The following LYPD6 variants were observed in gnomAD, a reference collection of about 807,000 sequenced individuals.
LYPD6 encodes LY6/PLAUR domain containing 6, also known as ly6/PLAUR domain-containing protein 6.
A neutral mutation model predicts 22.7 loss-of-function variants in LYPD6; 15 were observed. The ratio of observed to expected loss-of-function variants is 0.66; its 90% CI spans 0.44 to 1.02. LYPD6 has a LOEUF of 1.02. Among genes scored for constraint, LYPD6 ranks in the 50% least tolerant of loss-of-function variants. The pLI, the probability that LYPD6 is intolerant of heterozygous loss-of-function variation, is 0.00. For synonymous variants in LYPD6, 72 were observed against 77.5 expected, an observed-to-expected ratio of 0.93 and a Z score of 0.37; for missense variants, 189 against 208.4, an observed-to-expected ratio of 0.91 and a Z score of 0.57.
At chr2:149,355,293 A>G (rs752616097) in intron 1 of LYPD6, among the ~76,000 whole-genome samples, 11 of 152,226 alleles carry the variant, frequency 7.2e-5, no homozygotes, top group Admixed American at 4.6e-4. Context: ...GCTAAAATGC[A>G]TAGTTTACAC....
intron 3 of LYPD6, among the ~76,000 whole-genome samples, chr2:149,458,449 A>G (rs1681015785): frequency 6.6e-6 from 1 of 152,196 alleles, no homozygotes; most frequent in Non-Finnish European, 1.5e-5. Context: ...CTACATGGGA[A>G]GCATTAATGA....
chr2:149,333,929 A>G (rs1680985043), intron 1 of LYPD6, among the ~76,000 whole-genome samples: 1 of 152,224 alleles, frequency 6.6e-6, no homozygotes, highest in African/African-American at 2.4e-5. Context: ...GAGTATAATC[A>G]GTCTCTAAAA....
rs994204963 is a variant in LYPD6 at position 149,421,020 on chromosome 2, TGAG to T, written c.-71-16614_-71-16612del. Among the ~76,000 whole-genome samples the T allele has an allele frequency of 3.3e-5, 5 of 152,308 alleles. No homozygotes were observed. The East Asian group carries it at 9.6e-4, about 29-fold the overall frequency. ...AAATGGTAATGGGTGAGAGCCATCA[TGAG>T]GAGTTTTTCAGGATCCCCAGGGGAT... On this transcript the variant is annotated intron_variant, in intron 1 of 4. Coordinates refer to ENST00000334166, the MANE Select transcript of LYPD6 (RefSeq NM_194317.5).
chr2:149,478,552 T>C (rs1681478755), downstream of LYPD6, among the ~76,000 whole-genome samples: 1 of 152,032 alleles, frequency 6.6e-6, no homozygotes, highest in East Asian at 1.9e-4. Flanking sequence ...GCCTCCTAAG[T>C]AGCTAGGACT....
At chr2:149,416,457 A>G (rs934942096) in intron 1 of LYPD6, among the ~76,000 whole-genome samples, 4 of 152,162 alleles carry the variant, frequency 2.6e-5, no homozygotes, top group Non-Finnish European at 5.9e-5. Flanking sequence ...TTACCTGGGT[A>G]AAAACAGCCC....
At chr2:149,448,010 T>G (rs908667444) in intron 2 of LYPD6, among the ~76,000 whole-genome samples, 2 of 152,066 alleles carry the variant, frequency 1.3e-5, no homozygotes, top group African/African-American at 4.8e-5. Flanking sequence ...AACTATAGCA[T>G]AGGCCGGGTG....
chr2:149,464,392 G>T (rs533029231), intron 3 of LYPD6: 1 of 240,776 alleles, frequency 4.2e-6, no homozygotes, highest in Admixed American at 5.4e-5. Flanking sequence ...TTTTCATCGT[G>T]CATGGTCAAA....
chr2:149,346,259 T>TA (rs34614093), intron 1 of LYPD6, among the ~76,000 whole-genome samples: 1 of 152,034 alleles, frequency 6.6e-6, no homozygotes, highest in Non-Finnish European at 1.5e-5. Context: ...TTTTTCTATT[T>TA]AAAAAAATGC....
chr2:149,368,901 G>A (rs1260545164), intron 1 of LYPD6, among the ~76,000 whole-genome samples: 1 of 152,124 alleles, frequency 6.6e-6, no homozygotes, highest in Admixed American at 6.5e-5. Context: ...CTGGGTAGAT[G>A]GTGGGGTGAC....
At chr2:149,479,150 G>T in the LYPD6 span, among the ~76,000 whole-genome samples, 5 of 152,070 alleles carry the variant, frequency 3.3e-5, no homozygotes, top group Non-Finnish European at 5.9e-5. Flanking sequence ...TAACTTCTCA[G>T]CTTCGTTCAA....
the LYPD6 span, among the ~76,000 whole-genome samples, chr2:149,481,939 G>A: frequency 6.6e-6 from 1 of 152,132 alleles, no homozygotes; most frequent in Admixed American, 6.6e-5. Context: ...TTCCTCAGAA[G>A]TGTTGCTTTT....
intron 1 of LYPD6, among the ~76,000 whole-genome samples, chr2:149,369,386 C>T (rs1681754790): frequency 6.6e-6 from 1 of 152,160 alleles, no homozygotes; most frequent in African/African-American, 2.4e-5. Flanking sequence ...CCATCTTCCT[C>T]CATTGCTCTG....
At chr2:149,358,801 A>T (rs1681516353) in intron 1 of LYPD6, among the ~76,000 whole-genome samples, 1 of 152,128 alleles carries the variant, frequency 6.6e-6, no homozygotes, top group African/African-American at 2.4e-5. Flanking sequence ...TTGGGGAAGT[A>T]CCAGAATCTT....
chr2:149,372,275 G>T (rs548538947), intron 1 of LYPD6, among the ~76,000 whole-genome samples: 1 of 152,130 alleles, frequency 6.6e-6, no homozygotes, highest in Non-Finnish European at 1.5e-5. Flanking sequence ...CCTTACGCCT[G>T]ATAAAGTCCC....
At chr2:149,378,412 T>A (rs1457876422) in intron 1 of LYPD6, among the ~76,000 whole-genome samples, 1 of 152,232 alleles carries the variant, frequency 6.6e-6, no homozygotes, top group African/African-American at 2.4e-5. Context: ...GACATTGGGC[T>A]TGGCCCGATT....
chr2:149,404,600 C>A (rs1047721669), intron 1 of LYPD6, among the ~76,000 whole-genome samples: 1 of 152,156 alleles, frequency 6.6e-6, no homozygotes, highest in Non-Finnish European at 1.5e-5. Context: ...TGAGACTTTG[C>A]TGAAGTTGCT....
intron 1 of LYPD6, among the ~76,000 whole-genome samples, chr2:149,335,913 T>G (rs1212369985): frequency 6.6e-6 from 1 of 152,196 alleles, no homozygotes; most frequent in Non-Finnish European, 1.5e-5. Flanking sequence ...GCTATACATC[T>G]AGGCTTGTGT....
chr2:149,332,379 AG>A (rs1384620286), intron 1 of LYPD6, among the ~76,000 whole-genome samples: 1 of 152,246 alleles, frequency 6.6e-6, no homozygotes, highest in African/African-American at 2.4e-5. Flanking sequence ...AGCTGTTGAC[AG>A]TCTTTGTAAG....
intron 1 of LYPD6, among the ~76,000 whole-genome samples, chr2:149,435,648 A>G (rs1683414295): frequency 6.6e-6 from 1 of 152,220 alleles, no homozygotes; most frequent in Non-Finnish European, 1.5e-5. Flanking sequence ...CAAGGGAAAG[A>G]TACTGGTGGA....
Sources: gnomAD v4.1 joint callset for allele counts (sites outside exome capture counted in the v4.1 genomes callset) on GRCh38, gnomAD v4.1.1 for gene constraint, MANE v1.5 for transcripts, NCBI Gene and HGNC (gene_info 2026-07-23, HGNC 2026-07-21) for gene names.